CBX1: variants seen among roughly 807,000 people sequenced by gnomAD.
CBX1 encodes the protein chromobox 1.
A neutral mutation model predicts 25.1 loss-of-function variants in CBX1; 10 were observed. That is an observed-to-expected ratio of 0.40 (90% CI 0.25 to 0.68). CBX1 has a LOEUF of 0.68. Ranked by LOEUF, CBX1 falls within the 30% of genes least tolerant of loss-of-function variation. CBX1 has a pLI of 0.40. For synonymous variants in CBX1, 63 were observed against 79.4 expected (o/e 0.79, Z 1.10); for missense variants, 106 against 218.5 (o/e 0.49, Z 3.25).
At position 48,080,995 on chromosome 17, in the gene CBX1, A is replaced by T. The variant is rs569727319; in HGVS notation, c.-37-3954T>A. 2.4e-3 allele frequency among the ~76,000 whole-genome samples: 176 copies of T among 74,848 alleles called. 2 individuals are homozygous for T. Among genetic ancestry groups the T allele is most frequent in the Admixed American group, 4.1e-3 (30 of 7,272 alleles). The allele number at this position is 74,848 out of a possible 152,430, so 49.1% of individuals were successfully genotyped here. A position where few individuals can be genotyped will look rare whatever the true frequency, so the allele number is the denominator to read the frequency against. ...ATATATATATATATATATATATATA[A>T]AATTTGTCTTAGAAAAATAAATAGC... On this transcript the variant is annotated intron_variant, in intron 1 of 4. Coordinates refer to ENST00000225603, the MANE Select transcript of CBX1 (RefSeq NM_001127228.2).
At chr17:48,078,511 C>T (rs1029968472) in intron 1 of CBX1, among the ~76,000 whole-genome samples, 2 of 150,982 alleles carry the variant, frequency 1.3e-5, no homozygotes, top group Non-Finnish European at 3.0e-5. Flanking sequence ...CTTTTTGAGA[C>T]GGAGTCTCAA....
chr17:48,087,182 C>A (rs1361378759), intron 1 of CBX1, among the ~76,000 whole-genome samples: 1 of 95,008 alleles, frequency 1.1e-5, no homozygotes, highest in Non-Finnish European at 2.1e-5. Flanking sequence ...GAGTAAGACG[C>A]CATCTCAAAA....
chr17:48,086,224 C>A lies in CBX1; in HGVS notation c.-37-9183G>T, dbSNP rs12051561. Among the ~76,000 whole-genome samples the A allele has an allele frequency of 4.3e-4, 65 of 152,312 alleles. No homozygotes were observed. The East Asian group carries it at 9.6e-3, about 23-fold the overall frequency. On this transcript the variant is annotated intron_variant, in intron 1 of 4. Transcript: ENST00000225603. The stretch of plus-strand genomic sequence containing the variant: ...TGTGATTTTCCTCACCCACCCTCCA[C>A]CCCTGCACTGAGGAGCTAGAAAATG...
chr17:48,076,732 C>T (rs754016401), intron 2 of CBX1, 133 bp downstream of exon 2: 14 of 756,996 alleles, frequency 1.8e-5, no homozygotes. Context: ...AGGCCATATT[C>T]CTAATTAAAC....
At chr17:48,087,310 C>T (rs2144453079) in intron 1 of CBX1, among the ~76,000 whole-genome samples, 1 of 152,136 alleles carries the variant, frequency 6.6e-6, no homozygotes, top group East Asian at 1.9e-4. Flanking sequence ...GGTGTGATAG[C>T]TCACGCCTGT....
chr17:48,099,251 C>G (rs1044723283), intron 1 of CBX1, among the ~76,000 whole-genome samples: 2 of 152,086 alleles, frequency 1.3e-5, no homozygotes, highest in African/African-American at 4.8e-5. Context: ...TACAGGCATG[C>G]GCCACTAGGC....
intron 1 of CBX1, chr17:48,096,340 G>A: frequency 1.0e-6 from 1 of 985,230 alleles, no homozygotes; most frequent in Non-Finnish European, 1.2e-6. Flanking sequence ...AGATTTTTGG[G>A]TTGAGAGGCC....
chr17:48,088,639 T>A (rs2063326026), intron 1 of CBX1: 2 of 148,764 alleles, frequency 1.3e-5, no homozygotes, highest in South Asian at 4.3e-4. Context: ...AATAAATAAA[T>A]AAAAATTTCT....
chr17:48,097,775 T>C (rs747575702), intron 1 of CBX1, among the ~76,000 whole-genome samples: 1 of 152,200 alleles, frequency 6.6e-6, no homozygotes, highest in Non-Finnish European at 1.5e-5. Flanking sequence ...CAAGTTATTC[T>C]ATGCAAATAT....
intron 2 of CBX1, 60 bp downstream of exon 2, chr17:48,076,805 C>T: frequency 7.3e-6 from 11 of 1,507,600 alleles, no homozygotes; most frequent in East Asian, 2.3e-5. Flanking sequence ...AGGTCTCATA[C>T]ATCTCTAGAC....
Position 48,071,636 on chromosome 17 carries a change from T to C in CBX1, c.414-57A>G. 2.7e-6 allele frequency: 4 copies of C among 1,485,972 alleles called. No homozygotes were observed. In the South Asian group the frequency reaches 5.3e-5, roughly 20 times the overall value. 92.0% of individuals were successfully genotyped at this position (1,485,972 alleles called of 1,614,324 possible). A position where few individuals can be genotyped will look rare whatever the true frequency, so the allele number is the denominator to read the frequency against. ...CCAGGTGCTGGTGGTCTATCCTAAGTTGGATAACCCAGGGGACAGTGCTTT... is the reference window on the plus strand; with the variant it reads ...CCAGGTGCTGGTGGTCTATCCTAAGCTGGATAACCCAGGGGACAGTGCTTT... On this transcript the variant is annotated intron_variant, in intron 4 of 4. Transcript: ENST00000225603.
chr17:48,085,882 C>T (rs967541335), intron 1 of CBX1, among the ~76,000 whole-genome samples: 5 of 152,072 alleles, frequency 3.3e-5, no homozygotes, highest in African/African-American at 4.8e-5. Context: ...ACCTGGCCAA[C>T]GTGGCGAAAC....
chr17:48,094,997 A>C (rs2063365584), intron 1 of CBX1, among the ~76,000 whole-genome samples: 1 of 151,812 alleles, frequency 6.6e-6, no homozygotes, highest in Non-Finnish European at 1.5e-5. Flanking sequence ...CAGTGAGCCA[A>C]GATCTTGACA....
chr17:48,099,581 A>G (rs1022057406), intron 1 of CBX1, among the ~76,000 whole-genome samples: 1 of 152,188 alleles, frequency 6.6e-6, no homozygotes, highest in Non-Finnish European at 1.5e-5. Context: ...ATAAAAGTCT[A>G]TAAGGCACCT....
At chr17:48,094,114 C>CAAAAAA (rs11459504) in intron 1 of CBX1, among the ~76,000 whole-genome samples, 28 of 50,762 alleles carry the variant, frequency 5.5e-4, no homozygotes, top group South Asian at 1.1e-3. Context: ...AACTCTGTCT[C>CAAAAAA]AAAAAAAAAA....
chr17:48,101,416 G>A lies in CBX1; in HGVS notation c.-186C>T, dbSNP rs1179418217. 5 of 985,406 alleles carry A rather than the reference G, an allele frequency of 5.1e-6. No homozygotes were observed. The highest frequency in any genetic ancestry group is 1.2e-4 in the Admixed American group (2 of 16,266). 61.0% of individuals were successfully genotyped at this position (985,406 alleles called of 1,614,324 possible). ...ACTGAAGCGGCGTACCGCAGGCCCC[G>A]GCCAACGGCCCTCCCCTCAGCCGAA... is the stretch of plus-strand genomic sequence containing the variant. On this transcript the variant is annotated 5_prime_UTR_variant, in exon 1 of 5. Transcript: ENST00000225603.
In CBX1 at chr17:48,077,032, G is replaced by A. The variant is rs765924949; in HGVS notation, c.-28C>T. On this transcript the variant is annotated 5_prime_UTR_variant, in exon 2 of 5. Coordinates refer to ENST00000225603, the MANE Select transcript of CBX1 (RefSeq NM_001127228.2). ...TGCCCGCCAGCTTTCTGGTGTAAAG[G>A]GTGACGCTGCTAAAATGATAAATGA... 2.5e-6 allele frequency: 4 copies of A among 1,600,734 alleles called. No homozygotes were observed. Among genetic ancestry groups the A allele is most frequent in the Non-Finnish European group, 3.4e-6 (4 of 1,174,446 alleles).
At chr17:48,078,831 C>A (rs530253961) in intron 1 of CBX1, among the ~76,000 whole-genome samples, 38 of 136,342 alleles carry the variant, frequency 2.8e-4, no homozygotes, top group African/African-American at 1.1e-3. Context: ...TCACTCCAGC[C>A]CAGGCTGGAG....
chr17:48,101,149 C>A (rs1045219821), intron 1 of CBX1, 119 bp downstream of exon 1: 33 of 986,502 alleles, frequency 3.3e-5, no homozygotes, highest in Non-Finnish European at 3.7e-5. Context: ...ACGCTGGACC[C>A]GGGCGCGCTC....
Sources: allele counts gnomAD v4.1 joint callset (sites outside exome capture counted in the v4.1 genomes callset), GRCh38; gene constraint gnomAD v4.1.1; transcripts MANE v1.5; gene names NCBI Gene and HGNC (gene_info 2026-07-23, HGNC 2026-07-21).